The following PRR5L variants were observed in gnomAD, a reference collection of about 807,000 sequenced individuals.
PRR5L encodes proline rich 5 like.
A neutral mutation model predicts 36.4 loss-of-function variants in PRR5L; 21 were observed. That is an observed-to-expected ratio of 0.58 (90% CI 0.41 to 0.83). The LOEUF (loss-of-function observed/expected upper bound fraction) is 0.83, where lower values mean the gene tolerates loss of function less well. Among genes scored for constraint, PRR5L ranks in the 40% least tolerant of loss-of-function variants. The pLI is 0.00. For missense variants in PRR5L, 381 were observed against 473.3 expected, an observed-to-expected ratio of 0.80 and a Z score of 1.81; for synonymous variants, 188 against 197.0, an observed-to-expected ratio of 0.95 and a Z score of 0.38.
At position 36,344,560 on chromosome 11, in the gene PRR5L, G is replaced by A. The variant is rs1188667241; in HGVS notation, c.-126+48122G>A. Among the ~76,000 whole-genome samples, 1 of 152,130 alleles carries A rather than the reference G, an allele frequency of 6.6e-6. No homozygotes were observed. Among genetic ancestry groups the A allele is most frequent in the African/African-American group, 2.4e-5 (1 of 41,426 alleles). The stretch of plus-strand genomic sequence containing the variant: ...AACAACAAAACGGCCATCTCTGAAG[G>A]TGATTTTTGTTTATATTTCTTAGTA... On this transcript the variant is annotated intron_variant, in intron 1 of 8. Transcript: ENST00000530639. The surrounding 1 kb of genome is among the most constrained non-coding windows in gnomAD (Gnocchi z 4.1).
At position 36,343,057 on chromosome 11, in the gene PRR5L, A is replaced by G. The variant is rs1856831916; in HGVS notation, c.-126+46619A>G. 2.0e-5 allele frequency among the ~76,000 whole-genome samples: 3 copies of G among 152,316 alleles called. No homozygotes were observed. In the South Asian group the frequency reaches 6.2e-4, roughly 32 times the overall value. On this transcript the variant is annotated intron_variant, in intron 1 of 8. Coordinates refer to ENST00000530639, the MANE Select transcript of PRR5L (RefSeq NM_001160167.2). ...CGATTCTTAAAGTGATTGGCAGCTT[A>G]TGGGGATTCACAATTTAGCATGAAG... is the stretch of plus-strand genomic sequence containing the variant.
At chr11:36,404,278 T>TTTTGTTTTTG (rs750305571) in intron 3 of PRR5L, among the ~76,000 whole-genome samples, 9,280 of 149,884 alleles carry the variant, frequency 0.062, 491 homozygotes, top group African/African-American at 0.14. Flanking sequence ...CTTTTTTTTT[T>TTTTGTTTTTG]TTTTTTTTTT....
chr11:36,416,934 C>T (rs1217294182), intron 3 of PRR5L, among the ~76,000 whole-genome samples: 2 of 152,156 alleles, frequency 1.3e-5, no homozygotes, highest in Non-Finnish European at 2.9e-5. Context: ...ATATCTAGCC[C>T]AAACTCACAA....
chr11:36,404,546 G>C (rs143368275), intron 3 of PRR5L, among the ~76,000 whole-genome samples: 1 of 152,038 alleles, frequency 6.6e-6, no homozygotes, highest in Non-Finnish European at 1.5e-5. Context: ...GATTACAGGC[G>C]TGAGCCACTG....
chr11:36,351,512 T>C lies in PRR5L; in HGVS notation c.-125-49485T>C, dbSNP rs1415609573. Among the ~76,000 whole-genome samples the C allele has an allele frequency of 7.7e-3, 119 of 15,394 alleles. 40 individuals are homozygous for C. Among genetic ancestry groups the C allele is most frequent in the African/African-American group, 0.047 (97 of 2,064 alleles). 10.1% of individuals were successfully genotyped at this position (15,394 alleles called of 152,430 possible). A position where few individuals can be genotyped will look rare whatever the true frequency, so the allele number is the denominator to read the frequency against. On this transcript the variant is annotated intron_variant, in intron 1 of 8. Coordinates refer to ENST00000530639, the MANE Select transcript of PRR5L (RefSeq NM_001160167.2). ...ATATTTATATATATTTTTATATATT[T>C]ATATATATTTATATATTTATATAAA...
intron 1 of PRR5L, chr11:36,300,903 T>C (rs539776950): frequency 4.6e-5 from 7 of 152,386 alleles, no homozygotes; most frequent in African/African-American, 1.7e-4. Context: ...GCTGTCTCCG[T>C]CCAGTGAGGA....
At chr11:36,365,385 C>G (rs368363616) in intron 1 of PRR5L, among the ~76,000 whole-genome samples, 1 of 152,116 alleles carries the variant, frequency 6.6e-6, no homozygotes, top group Admixed American at 6.5e-5. Context: ...CGGGTCCTTT[C>G]GAAGCAAGTT....
chr11:36,299,693 C>T (rs890536044), intron 1 of PRR5L, among the ~76,000 whole-genome samples: 11 of 152,274 alleles, frequency 7.2e-5, no homozygotes, highest in East Asian at 5.8e-4. Flanking sequence ...GAAAGGTTAA[C>T]GAATTCACCC....
chr11:36,415,087 C>T (rs1028392458), intron 3 of PRR5L, among the ~76,000 whole-genome samples: 32 of 150,776 alleles, frequency 2.1e-4, no homozygotes, highest in African/African-American at 7.9e-4. Flanking sequence ...GTTTTGGTAG[C>T]AGTACCATGC....
At chr11:36,424,080 C>G (rs2133588783) in intron 4 of PRR5L, among the ~76,000 whole-genome samples, 1 of 152,214 alleles carries the variant, frequency 6.6e-6, no homozygotes, top group East Asian at 1.9e-4. Context: ...CTTTATGAGT[C>G]TCCGTGGAAA....
intron 1 of PRR5L, among the ~76,000 whole-genome samples, chr11:36,341,867 A>G (rs1045540422): frequency 9.9e-5 from 15 of 152,216 alleles, no homozygotes; most frequent in Admixed American, 9.8e-4. Context: ...GCTCTGGAAT[A>G]TCCAAGGGAA....
intron 3 of PRR5L, among the ~76,000 whole-genome samples, chr11:36,404,094 G>C (rs547686379): frequency 6.6e-6 from 1 of 152,276 alleles, no homozygotes; most frequent in East Asian, 1.9e-4. Context: ...CGCATGCAAA[G>C]TTCCTCTGGT....
intron 1 of PRR5L, among the ~76,000 whole-genome samples, chr11:36,363,655 G>C (rs1196826870): frequency 6.6e-6 from 1 of 152,208 alleles, no homozygotes; most frequent in East Asian, 1.9e-4. Context: ...AGCAGGAGTT[G>C]ACTGATTTCT....
chr11:36,368,758 AGT>A (rs1275788632), intron 1 of PRR5L, among the ~76,000 whole-genome samples: 1 of 152,194 alleles, frequency 6.6e-6, no homozygotes, highest in African/African-American at 2.4e-5. Flanking sequence ...CATCCTTCCC[AGT>A]ACTTTTGTTC....
intron 1 of PRR5L, among the ~76,000 whole-genome samples, chr11:36,316,691 C>CA (rs1856561127): frequency 6.6e-6 from 1 of 152,118 alleles, no homozygotes; most frequent in Non-Finnish European, 1.5e-5. Flanking sequence ...TTAGGTTTTA[C>CA]AATAGTGATG....
intron 3 of PRR5L, among the ~76,000 whole-genome samples, chr11:36,406,349 TA>T (rs893540979): frequency 2.0e-5 from 3 of 150,406 alleles, no homozygotes; most frequent in African/African-American, 2.4e-5. Context: ...AGCCAAAGCT[TA>T]AAAAAAAAAT....
At position 36,403,248 on chromosome 11, in the gene PRR5L, G is replaced by T. The variant is rs374368548; in HGVS notation, c.165-50G>T. On this transcript the variant is annotated intron_variant, in intron 2 of 8. Coordinates refer to ENST00000530639, the MANE Select transcript of PRR5L (RefSeq NM_001160167.2). ...TTCAGCCCTGAGCTGCTATTGAAATGGCCCAAGAAGGGAGATTCTCTAACC... is the reference window on the plus strand; with the variant it reads ...TTCAGCCCTGAGCTGCTATTGAAATTGCCCAAGAAGGGAGATTCTCTAACC... 31 of 1,538,976 alleles carry T rather than the reference G, an allele frequency of 2.0e-5. No individual in the cohort carries two copies. In the African/African-American group the frequency reaches 3.8e-4, roughly 19 times the overall value.
At chr11:36,309,672 T>C (rs982398435) in intron 1 of PRR5L, among the ~76,000 whole-genome samples, 14 of 858 alleles carry the variant, frequency 0.016, no homozygotes, top group Non-Finnish European at 0.031. Context: ...TGGTGGTATA[T>C]GATTTCAAAG....
intron 1 of PRR5L, among the ~76,000 whole-genome samples, chr11:36,376,941 G>A (rs990808281): frequency 3.9e-4 from 60 of 152,262 alleles, no homozygotes; most frequent in Non-Finnish European, 5.1e-4. Context: ...AGACCACCAT[G>A]GTGGGGAGGT....
Sources: gnomAD v4.1 joint callset for allele counts (sites outside exome capture counted in the v4.1 genomes callset) on GRCh38, gnomAD v4.1.1 for gene constraint, Gnocchi (gnomAD v3.1) non-coding constraint, MANE v1.5 for transcripts, NCBI Gene and HGNC (gene_info 2026-07-23, HGNC 2026-07-21) for gene names.